Variants in LANCL3 observed in about 807,000 individuals in gnomAD.
LANCL3 encodes LanC like family member 3, also known as lanC-like protein 3.
A neutral mutation model predicts 26.5 loss-of-function variants in LANCL3; 19 were observed. The observed-to-expected ratio is 0.72, with a 90% CI of 0.50 to 1.05. The LOEUF (loss-of-function observed/expected upper bound fraction) is 1.05. LANCL3 is among the 50% of genes least tolerant of loss of function. LANCL3 has a pLI of 0.00. For missense variants in LANCL3, 318 were observed against 362.7 expected (o/e 0.88, Z 1.00); for synonymous variants, 160 against 166.6 (o/e 0.96, Z 0.30).
chrX:37,576,538 C>T, intron 1 of LANCL3, among the ~76,000 whole-genome samples: 1 of 111,595 alleles, frequency 9.0e-6, no homozygotes, highest in Non-Finnish European at 1.9e-5. Context: ...TTAATTTCCT[C>T]ACCTGTAAAT....
At chrX:37,597,247 G>T (rs1924456880) in intron 1 of LANCL3, among the ~76,000 whole-genome samples, 1 of 111,903 alleles carries the variant, frequency 8.9e-6, no homozygotes, top group Admixed American at 9.5e-5. Context: ...AATGGACATT[G>T]GAGTTATTTC....
intron 1 of LANCL3, among the ~76,000 whole-genome samples, chrX:37,608,312 A>G (rs1924771627): frequency 8.9e-6 from 1 of 111,816 alleles, no homozygotes; most frequent in African/African-American, 3.3e-5. Context: ...AATCACCTGG[A>G]GGGCTTGCTA....
chrX:37,638,781 TATC>T (rs1418239431), intron 1 of LANCL3, among the ~76,000 whole-genome samples: 5 of 110,704 alleles, frequency 4.5e-5, no homozygotes, highest in African/African-American at 1.6e-4. Flanking sequence ...TCCCAATGAA[TATC>T]ATTCACCCCA....
Position 37,668,414 on chromosome X carries a change from A to G in LANCL3, c.1103+925A>G, listed in dbSNP as rs149183932. ...AAAGATGGAACATCTGCTGTATACC[A>G]GACAACATTGCTTTTAATAGATATT... On this transcript the variant is annotated intron_variant, in intron 4 of 4. Transcript: ENST00000378619. The G allele has an allele frequency of 2.1e-4, 85 of 405,389 alleles. No individual in the cohort carries two copies. Among genetic ancestry groups the G allele is most frequent in the South Asian group, 1.8e-3 (33 of 17,884 alleles). 33.4% of individuals were successfully genotyped at this position (405,389 alleles called of 1,213,427 possible). A position where few individuals can be genotyped will look rare whatever the true frequency, so the allele number is the denominator to read the frequency against.
intron 4 of LANCL3, among the ~76,000 whole-genome samples, chrX:37,675,117 T>C (rs1448103688): frequency 8.9e-6 from 1 of 112,085 alleles, no homozygotes; most frequent in Non-Finnish European, 1.9e-5. Flanking sequence ...GATGTTATCA[T>C]TGTGAAAGGT....
intron 1 of LANCL3, among the ~76,000 whole-genome samples, chrX:37,598,414 G>A (rs1422418055): frequency 9.0e-6 from 1 of 111,654 alleles, no homozygotes; most frequent in Non-Finnish European, 1.9e-5. Flanking sequence ...AAGTTCTTCA[G>A]GTAATTCCAG....
chrX:37,649,438 A>G (rs1420699486), intron 1 of LANCL3, among the ~76,000 whole-genome samples: 3 of 110,264 alleles, frequency 2.7e-5, no homozygotes, highest in South Asian at 4.0e-4. Context: ...GGAACAACAC[A>G]CACCAGGTCC....
chrX:37,664,492 C>CT (rs1210979180), intron 3 of LANCL3, among the ~76,000 whole-genome samples: 2 of 111,412 alleles, frequency 1.8e-5, no homozygotes, highest in Admixed American at 1.9e-4. Context: ...TTTAGAGAAG[C>CT]TTTTTTTGTT....
At chrX:37,625,705 T>C (rs1476451282) in intron 1 of LANCL3, among the ~76,000 whole-genome samples, 2 of 111,239 alleles carry the variant, frequency 1.8e-5, no homozygotes, top group Non-Finnish European at 3.8e-5. Flanking sequence ...CCAGGTGTCC[T>C]TGAAATTTTT....
rs180804574 is a variant in LANCL3 at position 37,599,157 on chromosome X, A to G, written c.573+26714A>G. On this transcript the variant is annotated intron_variant, in intron 1 of 4. Transcript: ENST00000378619. Reference sequence around the variant, plus strand: ...GTAAGTATAGAAATTTGAGGTAAGCACTTAGGAACTTTATGAACAATTAGA... The same window carrying G: ...GTAAGTATAGAAATTTGAGGTAAGCGCTTAGGAACTTTATGAACAATTAGA... 4.8e-3 allele frequency among the ~76,000 whole-genome samples: 543 copies of G among 112,118 alleles called. 2 individuals carry two copies. The highest frequency in any genetic ancestry group is 9.3e-3 in the South Asian group (25 of 2,677).
chrX:37,633,870 G>A (rs1483102008), intron 1 of LANCL3, among the ~76,000 whole-genome samples: 10 of 112,176 alleles, frequency 8.9e-5, no homozygotes, highest in South Asian at 3.7e-4. Flanking sequence ...TAGGCTGCTC[G>A]GGGGTCAGGA....
At chrX:37,613,397 T>A (rs1181493045) in intron 1 of LANCL3, among the ~76,000 whole-genome samples, 2 of 111,277 alleles carry the variant, frequency 1.8e-5, no homozygotes, top group African/African-American at 6.5e-5. Context: ...TCTTTTTAAA[T>A]TTTTTATTGA....
At chrX:37,674,905 T>TA (rs1444800769) in intron 4 of LANCL3, among the ~76,000 whole-genome samples, 4 of 111,263 alleles carry the variant, frequency 3.6e-5, no homozygotes, top group Middle Eastern at 4.2e-3. Context: ...AGCAAGTCAG[T>TA]AAAAAAAGAT....
chrX:37,638,654 A>G (rs55990536), intron 1 of LANCL3, among the ~76,000 whole-genome samples: 4 of 112,009 alleles, frequency 3.6e-5, no homozygotes, highest in Non-Finnish European at 7.5e-5. Context: ...TATAGTTTAC[A>G]TATAGCAAAA....
At chrX:37,586,696 A>G (rs1351032734) in intron 1 of LANCL3, among the ~76,000 whole-genome samples, 2 of 111,383 alleles carry the variant, frequency 1.8e-5, no homozygotes, top group African/African-American at 6.5e-5. Flanking sequence ...TTAGCCATTC[A>G]TCTAATCTTC....
At chrX:37,647,232 T>A (rs1926009981) in intron 1 of LANCL3, among the ~76,000 whole-genome samples, 1 of 111,054 alleles carries the variant, frequency 9.0e-6, no homozygotes, top group Admixed American at 9.6e-5. Flanking sequence ...GAGAATGGCA[T>A]GAACCTGGGA....
intron 1 of LANCL3, among the ~76,000 whole-genome samples, chrX:37,618,266 A>G (rs1925062366): frequency 8.9e-6 from 1 of 112,271 alleles, no homozygotes; most frequent in Non-Finnish European, 1.9e-5. Flanking sequence ...TGCAGATACC[A>G]CATGTGACCC....
rs782437987 is a variant in LANCL3 at position 37,633,923 on chromosome X, C to A, written c.574-21765C>A. Among the ~76,000 whole-genome samples, 159 of 112,395 alleles carry A rather than the reference C, an allele frequency of 1.4e-3. 1 individual carries two copies. The highest frequency in any genetic ancestry group is 2.8e-3 in the Admixed American group (30 of 10,694). On this transcript the variant is annotated intron_variant, in intron 1 of 4. Transcript: ENST00000378619. ...GGAGGCAGTCTCCCCATTCTCAGAT[C>A]TCCAGCTGTGTGCTGGGAGAACCAC... is the stretch of plus-strand genomic sequence containing the variant.
intron 3 of LANCL3, among the ~76,000 whole-genome samples, chrX:37,662,050 G>C (rs892263597): frequency 8.9e-6 from 1 of 112,271 alleles, no homozygotes; most frequent in Non-Finnish European, 1.9e-5. Context: ...AGCACTTTGA[G>C]ACTGAGTAGT....
Sources: allele counts gnomAD v4.1 joint callset (sites outside exome capture counted in the v4.1 genomes callset), GRCh38; gene constraint gnomAD v4.1.1; transcripts MANE v1.5; gene names NCBI Gene and HGNC (gene_info 2026-07-23, HGNC 2026-07-21).